Variants in PMS2 observed in about 807,000 individuals in gnomAD.
The protein encoded by PMS2 is PMS1 homolog 2, mismatch repair system component, also known as mismatch repair endonuclease PMS2.
In PMS2, 69 loss-of-function variants were observed where a neutral mutation model predicts 90.0. That is an observed-to-expected ratio of 0.77 (90% CI 0.63 to 0.94). PMS2 has a LOEUF of 0.94. PMS2 is among the 40% of genes least tolerant of loss of function. The probability of loss-of-function intolerance (pLI) is 0.00; values close to 1 mark genes in which losing one functional copy is unlikely to be tolerated. For synonymous variants in PMS2, 332 were observed against 375.1 expected, an observed-to-expected ratio of 0.89 and a Z score of 1.33; for missense variants, 966 against 1,040.2, an observed-to-expected ratio of 0.93 and a Z score of 0.98.
At position 6,003,981 on chromosome 7, in the gene PMS2, C is replaced by A. The variant is rs730881919; in HGVS notation, c.241G>T (p.Glu81Ter). 2 of 1,594,104 alleles carry A rather than the reference C, an allele frequency of 1.3e-6. No individual in the cohort carries two copies. The highest frequency in any genetic ancestry group is 1.7e-5 in the Admixed American group (1 of 59,948). Residue 81 changes from glutamate (E) to a stop codon, truncating the protein, a stop_gained, in exon 3 of 15, where the codon GAA becomes TAA. Transcript: ENST00000265849. LOFTEE classifies it high-confidence loss of function. ...GAAAAAGTCAACTTACTTAAGCCTT[C>A]GAAGTTTTCTTCTTCTACCCCACAT... ...NGCGVEEENF[E>*]GLTLKHHTSK...
At position 5,987,620 on chromosome 7, in the gene PMS2, C is replaced by T. The variant is rs876661243; in HGVS notation, c.1145G>A (p.Gly382Asp). The T allele has an allele frequency of 6.3e-7, 1 of 1,586,210 alleles. No homozygotes were observed. The highest frequency in any genetic ancestry group is 1.7e-5 in the Admixed American group (1 of 59,920). Residue 382 changes from glycine to aspartate, a missense_variant and splice_region_variant, in exon 11 of 15, where the codon GGT (glycine) becomes GAT (aspartate). Physicochemically the swap from Gly to Asp is moderately conservative, Grantham distance 94. Transcript: ENST00000265849. ...CGCTGCATGCATTTTTATTAAGTTA[C>T]CTAAGCAAACGTGGACGGAGAAGAG... ...VSQQPLLDVEGNLIKMHAADL... is the reference protein window; with the variant it reads ...VSQQPLLDVEDNLIKMHAADL...
At chr7:6,008,779 C>G (rs931351751) in intron 1 of PMS2, among the ~76,000 whole-genome samples, 12 of 152,158 alleles carry the variant, frequency 7.9e-5, no homozygotes, top group African/African-American at 2.9e-4. Context: ...ATCCTTTGCC[C>G]GCAGCCCAGG....
chr7:5,978,018 G>A (rs1583282894), intron 13 of PMS2, among the ~76,000 whole-genome samples: 2 of 150,124 alleles, frequency 1.3e-5, no homozygotes, highest in East Asian at 2.0e-4. Flanking sequence ...TACTCGGGAG[G>A]CTGAGGCAGG....
intron 12 of PMS2, among the ~76,000 whole-genome samples, chr7:5,979,102 A>G (rs1191461049): frequency 7.0e-6 from 1 of 142,454 alleles, no homozygotes; most frequent in African/African-American, 2.7e-5. Flanking sequence ...AGGCTTAGGC[A>G]TGAGATTCGT....
At chr7:5,997,209 G>A (rs1055070032) in intron 7 of PMS2, 117 bp downstream of exon 7, 7 of 679,790 alleles carry the variant, frequency 1.0e-5, no homozygotes, top group East Asian at 5.5e-5. Context: ...GCAAGACTCC[G>A]TCTCAAGAAA....
Position 5,977,621 on chromosome 7 carries a change from C to T in PMS2, c.2412G>A (p.Lys804=), listed in dbSNP as rs547715146. 3 of 1,591,320 alleles carry T rather than the reference C, an allele frequency of 1.9e-6. No individual in the cohort carries two copies. The highest frequency in any genetic ancestry group is 2.2e-5 in the South Asian group (2 of 90,026). ...PGVMCRPSRV[K]QMFASRACRK... is the part of the protein sequence containing the mutation. ...GGCAGGCTCTGGAGGCAAACATCTG[C>T]TTGACTCGGGAAGGCCGGCACATGA... The change falls in exon 14 of 15, where the codon AAG becomes AAA. Residue 804 remains lysine, a synonymous_variant. Transcript: ENST00000265849.
At chr7:5,996,529 G>A (rs927198286) in intron 7 of PMS2, among the ~76,000 whole-genome samples, 2 of 144,678 alleles carry the variant, frequency 1.4e-5, no homozygotes, top group African/African-American at 2.5e-5. Flanking sequence ...CCAAGATCAC[G>A]GCACTGCACT....
chr7:6,008,946 T>C (rs1357570485), intron 1 of PMS2, 51 bp downstream of exon 1: 1 of 1,610,014 alleles, frequency 6.2e-7, no homozygotes, highest in Non-Finnish European at 8.5e-7. Context: ...GCCGTGGGTC[T>C]CAAAGAGGGC....
chr7:5,995,415 G>A (rs1454722972), intron 8 of PMS2, 119 bp downstream of exon 8: 11 of 718,106 alleles, frequency 1.5e-5, no homozygotes, highest in Non-Finnish European at 2.8e-5. Context: ...ATAAGATAAT[G>A]TTAAAGCCAT....
Position 6,009,032 on chromosome 7 carries a change from C to T in PMS2, c.-13G>A, listed in dbSNP as rs747488315. 6.2e-7 allele frequency: 1 copy of T among 1,612,424 alleles called. No individual in the cohort carries two copies. On this transcript the variant is annotated 5_prime_UTR_variant, in exon 1 of 15. Transcript: ENST00000265849. ...CAGCTCGCTCCATGGATGCAACACCCGATCCGCCTCGGGGACTGGGAAAGT... is the reference window on the plus strand; with the variant it reads ...CAGCTCGCTCCATGGATGCAACACCTGATCCGCCTCGGGGACTGGGAAAGT...
intron 8 of PMS2, among the ~76,000 whole-genome samples, chr7:5,993,370 CAAA>C (rs141290969): frequency 8.2e-5 from 6 of 72,936 alleles, no homozygotes; most frequent in South Asian, 5.0e-4. Flanking sequence ...GACTCCGTCT[CAAA>C]AAAAAAAAAA....
intron 11 of PMS2, among the ~76,000 whole-genome samples, chr7:5,984,226 T>C (rs1173603888): frequency 1.3e-5 from 2 of 151,844 alleles, no homozygotes. Flanking sequence ...TTTCTGCCAA[T>C]GCTGGATATC....
chr7:5,996,590 A>AAATATATAT (rs56858711), intron 7 of PMS2, among the ~76,000 whole-genome samples: 2 of 110,200 alleles, frequency 1.8e-5, no homozygotes, highest in African/African-American at 3.8e-5. Flanking sequence ...AAAAAAAAAA[A>AAATATATAT]ATATATATAT....
rs1157359648 is a variant in PMS2, at chr7:5,989,010, C to T, written c.1144+790G>A. Among the ~76,000 whole-genome samples, 19 of 152,190 alleles carry T rather than the reference C, an allele frequency of 1.2e-4. 1 individual carries two copies. Among genetic ancestry groups the T allele is most frequent in the Non-Finnish European group, 4.4e-5 (3 of 68,014 alleles). On this transcript the variant is annotated intron_variant, in intron 10 of 14. Transcript: ENST00000265849. ...AGCTGGGACTACAGGCGCCCGCCAC[C>T]ACGCCCGGCTAATTTTTTGTATTTT...
At chr7:5,981,838 C>G (rs2345064) in intron 12 of PMS2, among the ~76,000 whole-genome samples, 1 of 151,392 alleles carries the variant, frequency 6.6e-6, no homozygotes, top group Non-Finnish European at 1.5e-5. Context: ...AGTAACAACC[C>G]CATAGGTTTT....
In PMS2 at chr7:6,009,024, G is replaced by GC. The variant is rs1786264627; in HGVS notation, c.-6dup. 2 of 1,612,422 alleles carry GC rather than the reference G, an allele frequency of 1.2e-6. No individual in the cohort carries two copies. Among genetic ancestry groups the GC allele is most frequent in the Non-Finnish European group, 8.5e-7 (1 of 1,179,814 alleles). On this transcript the variant is annotated 5_prime_UTR_variant, in exon 1 of 15. Transcript: ENST00000265849. ...CGAGCTCTCAGCTCGCTCCATGGATGCAACACCCGATCCGCCTCGGGGACT... is the reference window on the plus strand; with the variant it reads ...CGAGCTCTCAGCTCGCTCCATGGATGCCAACACCCGATCCGCCTCGGGGACT...
chr7:5,993,370 C>CAAAAAAAAAAA (rs141290969), intron 8 of PMS2, among the ~76,000 whole-genome samples: 2 of 72,964 alleles, frequency 2.7e-5, no homozygotes, highest in African/African-American at 5.6e-5. Context: ...GACTCCGTCT[C>CAAAAAAAAAAA]AAAAAAAAAA....
At chr7:5,997,979 CAGAG>C (rs1784621254) in intron 6 of PMS2, among the ~76,000 whole-genome samples, 1 of 151,716 alleles carries the variant, frequency 6.6e-6, no homozygotes, top group Non-Finnish European at 1.5e-5. Flanking sequence ...ATATTTTTTT[CAGAG>C]AGAGAGTGAA....
intron 1 of PMS2, among the ~76,000 whole-genome samples, chr7:6,007,222 TCTC>T (rs1026331841): frequency 4.9e-4 from 75 of 152,202 alleles, no homozygotes; most frequent in African/African-American, 1.8e-3. Flanking sequence ...TTCAAGCGAT[TCTC>T]CTATCTCAGC....
Sources: allele counts gnomAD v4.1 joint callset (sites outside exome capture counted in the v4.1 genomes callset), GRCh38; gene constraint gnomAD v4.1.1; transcripts MANE v1.5; gene names NCBI Gene and HGNC (gene_info 2026-07-23, HGNC 2026-07-21).